PRDM15: variants seen among roughly 807,000 people sequenced by gnomAD.
PRDM15 encodes PR domain zinc finger protein 15.
A neutral mutation model predicts 128.6 loss-of-function variants in PRDM15; 64 were observed. The observed-to-expected ratio is 0.50, with a 90% confidence interval of 0.41 to 0.61. The LOEUF (loss-of-function observed/expected upper bound fraction) is 0.61. PRDM15 is among the 20% of genes least tolerant of loss of function. The pLI is 0.00. For missense variants in PRDM15, 1,242 were observed against 1,569.1 expected (o/e 0.79, Z 3.52); for synonymous variants, 615 against 621.8 (o/e 0.99, Z 0.16).
intron 1 of PRDM15, chr21:41,861,663 T>A: frequency 6.2e-7 from 1 of 1,614,040 alleles, no homozygotes; most frequent in African/African-American, 1.3e-5. Context: ...CCACACGCCC[T>A]CCACCCCGCT....
intron 19 of PRDM15, chr21:41,813,551 G>A (rs1242868739): frequency 6.6e-6 from 1 of 152,340 alleles, no homozygotes; most frequent in Admixed American, 6.5e-5. Flanking sequence ...GGGCCCCCAG[G>A]GGGCACTGAA....
At chr21:41,869,117 T>C (rs148556898) in intron 1 of PRDM15, among the ~76,000 whole-genome samples, 1 of 152,338 alleles carries the variant, frequency 6.6e-6, no homozygotes, top group East Asian at 1.9e-4. Context: ...GGGCTTGTCT[T>C]TCCATTCCTC....
chr21:41,876,489 G>C (rs906567459), intron 1 of PRDM15, among the ~76,000 whole-genome samples: 2 of 152,194 alleles, frequency 1.3e-5, no homozygotes, highest in African/African-American at 2.4e-5. Flanking sequence ...AACACCGCTG[G>C]TGTAGAGGCT....
In PRDM15 at chr21:41,815,712, C is replaced by A. The variant is rs959785072; in HGVS notation, c.2385G>T (p.Arg795=). Residue 795 remains arginine, a synonymous_variant, in exon 19 of 24, where the codon CGG becomes CGT. Coordinates refer to ENST00000398548, the MANE Select transcript of PRDM15 (RefSeq NM_001040424.3). ...QKVNMLKHCK[R]HTGIKDFMCE... ...CCCGGGCCTCGGACTCACCCGTGTGCCGCTTGCAGTGCTTGAGCATGTTGA... is the reference window on the plus strand; with the variant it reads ...CCCGGGCCTCGGACTCACCCGTGTGACGCTTGCAGTGCTTGAGCATGTTGA... 11 of 1,613,484 alleles carry A rather than the reference C, an allele frequency of 6.8e-6. No homozygotes were observed. Among genetic ancestry groups the A allele is most frequent in the Non-Finnish European group, 9.3e-6 (11 of 1,179,914 alleles).
chr21:41,869,153 C>G (rs2064123365), intron 1 of PRDM15, among the ~76,000 whole-genome samples: 1 of 152,162 alleles, frequency 6.6e-6, no homozygotes, highest in Admixed American at 6.5e-5. Flanking sequence ...GGGTCTTCTG[C>G]AGAGCAATGG....
At chr21:41,874,525 A>ATATATATATTTTTTTTTTTT in intron 1 of PRDM15, among the ~76,000 whole-genome samples, 6 of 95,826 alleles carry the variant, frequency 6.3e-5, no homozygotes, top group Non-Finnish European at 1.0e-4. Flanking sequence ...ATATATATAT[A>ATATATATATTTTTTTTTTTT]TTTTTTTTTT....
intron 6 of PRDM15, among the ~76,000 whole-genome samples, chr21:41,841,457 C>T (rs1206827067): frequency 1.3e-5 from 2 of 151,612 alleles, no homozygotes; most frequent in African/African-American, 4.9e-5. Context: ...TATTTTGAGA[C>T]AAAGACTGAA....
chr21:41,851,107 T>C (rs1253306305), intron 5 of PRDM15, among the ~76,000 whole-genome samples: 1 of 129,264 alleles, frequency 7.7e-6, no homozygotes, highest in Non-Finnish European at 1.6e-5. Context: ...CTACTCCCAC[T>C]GGGCCAGAGG....
chr21:41,876,391 G>C (rs1168214383), intron 1 of PRDM15, among the ~76,000 whole-genome samples: 1 of 152,172 alleles, frequency 6.6e-6, no homozygotes, highest in Non-Finnish European at 1.5e-5. Context: ...GAAGGGGCTT[G>C]GTCACAGCAG....
intron 1 of PRDM15, chr21:41,867,272 T>C (rs1319469821): frequency 6.4e-7 from 1 of 1,567,732 alleles, no homozygotes; most frequent in Non-Finnish European, 8.8e-7. Flanking sequence ...GGAGTTAAGA[T>C]GCAACTCCTT....
chr21:41,816,721 G>A (rs920521946), intron 18 of PRDM15, among the ~76,000 whole-genome samples: 33 of 152,286 alleles, frequency 2.2e-4, no homozygotes, highest in African/African-American at 7.2e-4. Context: ...CCCTGGCTAC[G>A]AGAAAACTGC....
rs950330805 is a variant in PRDM15 at position 41,799,326 on chromosome 21, G to C, written c.*1914C>G. The C allele has an allele frequency of 3.3e-5, 5 of 152,168 alleles. No individual in the cohort carries two copies. Among genetic ancestry groups the C allele is most frequent in the African/African-American group, 1.2e-4 (5 of 41,424 alleles). The allele number at this position is 152,168 out of a possible 1,614,324, so 9.4% of individuals were successfully genotyped here. A position where few individuals can be genotyped will look rare whatever the true frequency, so the allele number is the denominator to read the frequency against. On this transcript the variant is annotated 3_prime_UTR_variant, in exon 24 of 24. Coordinates refer to ENST00000398548, the MANE Select transcript of PRDM15 (RefSeq NM_001040424.3). ...CTCCTGCTGATTCCATGGATGCCTGGAGCACTTGTATCTGGAGAATGGAGA... is the reference window on the plus strand; with the variant it reads ...CTCCTGCTGATTCCATGGATGCCTGCAGCACTTGTATCTGGAGAATGGAGA...
chr21:41,872,425 T>G (rs1445926140), intron 1 of PRDM15, among the ~76,000 whole-genome samples: 1 of 152,242 alleles, frequency 6.6e-6, no homozygotes, highest in Non-Finnish European at 1.5e-5. Flanking sequence ...TTGGCTGCCC[T>G]AACAAGTTCA....
chr21:41,857,073 AT>A, intron 4 of PRDM15, 102 bp downstream of exon 4: 1 of 1,076,384 alleles, frequency 9.3e-7, no homozygotes, highest in Non-Finnish European at 1.4e-6. Context: ...TTTTTGAGGC[AT>A]TTATAAATCA....
At chr21:41,850,369 G>A (rs1234242764) in intron 5 of PRDM15, among the ~76,000 whole-genome samples, 3 of 140,192 alleles carry the variant, frequency 2.1e-5, no homozygotes. Context: ...ATGTTTCTTC[G>A]GCTGCCCCCT....
chr21:41,876,053 G>C (rs1208546602), intron 1 of PRDM15, among the ~76,000 whole-genome samples: 3 of 152,178 alleles, frequency 2.0e-5, no homozygotes, highest in Admixed American at 6.5e-5. Context: ...ACAATAGTAA[G>C]TATTTGCTTA....
Position 41,857,931 on chromosome 21 carries a change from C to T in PRDM15, c.132-602G>A, listed in dbSNP as rs570628730. On this transcript the variant is annotated intron_variant, in intron 3 of 23. Transcript: ENST00000398548. ...GAGATTCACCCAGAGCACACCATGG[C>T]GGGGCTGTGCACTGAAGGATGGGTT... Among the ~76,000 whole-genome samples, 202 of 152,086 alleles carry T rather than the reference C, an allele frequency of 1.3e-3. 1 individual carries two copies. The highest frequency in any genetic ancestry group is 4.6e-3 in the African/African-American group (192 of 41,510).
chr21:41,869,163 G>GT (rs1253148600), intron 1 of PRDM15, among the ~76,000 whole-genome samples: 1 of 152,136 alleles, frequency 6.6e-6, no homozygotes, highest in East Asian at 1.9e-4. Context: ...CAGAGCAATG[G>GT]TTTTTAATGT....
chr21:41,807,177 CTCT>C (rs1335683177), intron 21 of PRDM15, among the ~76,000 whole-genome samples: 1 of 152,208 alleles, frequency 6.6e-6, no homozygotes. Flanking sequence ...ATTAGCTTCA[CTCT>C]TCTTAGGATA....
Sources: gnomAD v4.1 joint callset for allele counts (sites outside exome capture counted in the v4.1 genomes callset) on GRCh38, gnomAD v4.1.1 for gene constraint, MANE v1.5 for transcripts, NCBI Gene and HGNC (gene_info 2026-07-23, HGNC 2026-07-21) for gene names.